The following CLEC11A variants were observed in gnomAD, a reference collection of about 807,000 sequenced individuals.
CLEC11A encodes C-type lectin domain family 11 member A.
Under a neutral mutation model 33.9 loss-of-function variants are expected in CLEC11A, and 35 were observed. That is an observed-to-expected ratio of 1.03 (90% CI 0.79 to 1.37). The LOEUF (loss-of-function observed/expected upper bound fraction) is 1.37. Ranked by LOEUF, CLEC11A falls within the 40% of genes most tolerant of loss-of-function variation. The pLI is 0.00. For missense variants in CLEC11A, 519 were observed against 455.5 expected, an observed-to-expected ratio of 1.14 and a Z score of -1.27; for synonymous variants, 220 against 202.2, an observed-to-expected ratio of 1.09 and a Z score of -0.75.
chr19:50,723,882 T>C lies in CLEC11A; in HGVS notation c.148-23T>C. On this transcript the variant is annotated intron_variant, in intron 1 of 3. Coordinates refer to ENST00000250340, the MANE Select transcript of CLEC11A (RefSeq NM_002975.3). The surrounding 1 kb of genome is among the most constrained non-coding windows in gnomAD (Gnocchi z 4.1). ...GGGCATCTTGGTGGCAGGCTGGGGC[T>C]CACCACCCCTCCCCTGCCCCAGCAT... 6.3e-7 allele frequency: 1 copy of C among 1,593,198 alleles called. No individual in the cohort carries two copies. The highest frequency in any genetic ancestry group is 8.5e-7 in the Non-Finnish European group (1 of 1,170,252).
chr19:50,723,453 A>C lies in CLEC11A; in HGVS notation c.-73A>C. On this transcript the variant is annotated 5_prime_UTR_variant, in exon 1 of 4. Transcript: ENST00000250340. The surrounding 1 kb of genome is among the most constrained non-coding windows in gnomAD (Gnocchi z 4.1). ...TGCACACAGGGCAGGGGCACTCGGC[A>C]GTTCCCAGAGGCCACCCCTCCCACC... The C allele has an allele frequency of 6.4e-7, 1 of 1,554,762 alleles. No individual in the cohort carries two copies. Among genetic ancestry groups the C allele is most frequent in the South Asian group, 1.1e-5 (1 of 88,702 alleles).
Position 50,725,151 on chromosome 19 carries a change from A to C in CLEC11A, c.656A>C (p.Gln219Pro), listed in dbSNP as rs939980763. 1.3e-6 allele frequency: 2 copies of C among 1,561,472 alleles called. No homozygotes were observed. The highest frequency in any genetic ancestry group is 1.7e-6 in the Non-Finnish European group (2 of 1,154,890). The change falls in exon 4 of 4, where the codon CAG becomes CCG. Residue 219 changes from glutamine to proline, a missense_variant. Transcript: ENST00000250340. Reference protein sequence around the residue: ...GSLAQPADRQQMEALTRYLRA... With the variant: ...GSLAQPADRQPMEALTRYLRA... ...CTGGCGCAGCCGGCAGACCGCCAGC[A>C]GATGGAGGCGCTCACTCGGTACCTG... is the stretch of plus-strand genomic sequence containing the variant.
At position 50,725,503 on chromosome 19, in the gene CLEC11A, A is replaced by G. The variant is rs749386035; in HGVS notation, c.*36A>G. On this transcript the variant is annotated 3_prime_UTR_variant, in exon 4 of 4. Transcript: ENST00000250340. Reference sequence around the variant, plus strand: ...ACCCCGCCTCCCTGCCCATCCCACCACCCGGCCTTTCCCTGCGCCGTGCCC... The same window carrying G: ...ACCCCGCCTCCCTGCCCATCCCACCGCCCGGCCTTTCCCTGCGCCGTGCCC... 3 of 1,521,760 alleles carry G rather than the reference A, an allele frequency of 2.0e-6. No homozygotes were observed. Among genetic ancestry groups the G allele is most frequent in the Non-Finnish European group, 1.8e-6 (2 of 1,131,144 alleles). The allele number at this position is 1,521,760 out of a possible 1,614,324, so 94.3% of individuals were successfully genotyped here. A position where few individuals can be genotyped will look rare whatever the true frequency, so the allele number is the denominator to read the frequency against.
Position 50,724,456 on chromosome 19 carries a change from C to A in CLEC11A, c.381C>A (p.Val127=). The change falls in exon 3 of 4, where the codon GTC becomes GTA. Residue 127 remains valine, a synonymous_variant. Coordinates refer to ENST00000250340, the MANE Select transcript of CLEC11A (RefSeq NM_002975.3). This position sits in a 1 kb window ranked among gnomAD's most constrained non-coding sequence, Gnocchi z 4.1. ...GLDAGLHQLH[V]RLHALDTRVV... is the part of the protein sequence containing the mutation. ...ACGCAGGCCTGCACCAGCTGCACGT[C>A]CGTCTGCACGCGTTGGACACCCGCG... 2 of 1,566,392 alleles carry A rather than the reference C, an allele frequency of 1.3e-6. No individual in the cohort carries two copies. Among genetic ancestry groups the A allele is most frequent in the Non-Finnish European group, 1.7e-6 (2 of 1,162,430 alleles).
chr19:50,725,555 T>C lies in CLEC11A; in HGVS notation c.*88T>C. 1 of 1,451,320 alleles carries C rather than the reference T, an allele frequency of 6.9e-7. No individual in the cohort carries two copies. The highest frequency in any genetic ancestry group is 9.1e-7 in the Non-Finnish European group (1 of 1,097,932). The allele number at this position is 1,451,320 out of a possible 1,614,324, so 89.9% of individuals were successfully genotyped here. On this transcript the variant is annotated 3_prime_UTR_variant, in exon 4 of 4. Transcript: ENST00000250340. Reference sequence around the variant, plus strand: ...CCCTCCTCCGGAATCTCCCTTCCCTTCCTGGCCACGAATGGCAGCGTCCTC... The same window carrying C: ...CCCTCCTCCGGAATCTCCCTTCCCTCCCTGGCCACGAATGGCAGCGTCCTC...
Position 50,725,388 on chromosome 19 carries a change from C to G in CLEC11A, c.893C>G (p.Ala298Gly). 4 of 1,611,776 alleles carry G rather than the reference C, an allele frequency of 2.5e-6. No homozygotes were observed. The highest frequency in any genetic ancestry group is 3.4e-6 in the Non-Finnish European group (4 of 1,179,346). Residue 298 changes from alanine to glycine, a missense_variant, in exon 4 of 4, where the codon GCG becomes GGG. Transcript: ENST00000250340. ...PNGGTLENCV[A>G]QASDDGSWWD... ...GGTGGCACGCTCGAGAACTGCGTGG[C>G]GCAGGCCTCTGACGACGGCTCCTGG... is the stretch of plus-strand genomic sequence containing the variant.
In CLEC11A at chr19:50,723,871, C is replaced by T; in HGVS notation, c.148-34C>T. On this transcript the variant is annotated intron_variant, in intron 1 of 3. Transcript: ENST00000250340. This position sits in a 1 kb window ranked among gnomAD's most constrained non-coding sequence, Gnocchi z 4.1. ...AGGGGTGAATGGGGCATCTTGGTGGCAGGCTGGGGCTCACCACCCCTCCCC... is the reference window on the plus strand; with the variant it reads ...AGGGGTGAATGGGGCATCTTGGTGGTAGGCTGGGGCTCACCACCCCTCCCC... The T allele has an allele frequency of 6.3e-7, 1 of 1,582,498 alleles. No individual in the cohort carries two copies. The highest frequency in any genetic ancestry group is 8.6e-7 in the Non-Finnish European group (1 of 1,165,772).
Position 50,725,541 on chromosome 19 carries a change from A to C in CLEC11A, c.*74A>C. Reference sequence around the variant, plus strand: ...CTGCGCCGTGCCCACCCTCCTCCGGAATCTCCCTTCCCTTCCTGGCCACGA... The same window carrying C: ...CTGCGCCGTGCCCACCCTCCTCCGGCATCTCCCTTCCCTTCCTGGCCACGA... On this transcript the variant is annotated 3_prime_UTR_variant, in exon 4 of 4. Coordinates refer to ENST00000250340, the MANE Select transcript of CLEC11A (RefSeq NM_002975.3). 6.8e-7 allele frequency: 1 copy of C among 1,462,720 alleles called. No individual in the cohort carries two copies. The highest frequency in any genetic ancestry group is 9.1e-7 in the Non-Finnish European group (1 of 1,102,358). 90.6% of individuals were successfully genotyped at this position (1,462,720 alleles called of 1,614,324 possible).
rs767266508 is a variant in CLEC11A, at chr19:50,725,646, T to C, written c.*179T>C. 451 of 1,175,682 alleles carry C rather than the reference T, an allele frequency of 3.8e-4. No individual in the cohort carries two copies. Among genetic ancestry groups the C allele is most frequent in the Admixed American group, 4.9e-4 (17 of 34,372 alleles). 72.8% of individuals were successfully genotyped at this position (1,175,682 alleles called of 1,614,324 possible). A position where few individuals can be genotyped will look rare whatever the true frequency, so the allele number is the denominator to read the frequency against. On this transcript the variant is annotated 3_prime_UTR_variant, in exon 4 of 4. Transcript: ENST00000250340. The stretch of plus-strand genomic sequence containing the variant: ...GTGCCGGCACTCCTCCTTGTTAGTG[T>C]CTTTCCTTGAAGGGGCGGGCACCAG...
chr19:50,723,705 G>A lies in CLEC11A; in HGVS notation c.147+33G>A, dbSNP rs1477581970. Reference sequence around the variant, plus strand: ...CTGGAGTGTCAGGGAGCTATGGGTGGTGAACTGTGGGTCTGGGAGGGGGTA... The same window carrying A: ...CTGGAGTGTCAGGGAGCTATGGGTGATGAACTGTGGGTCTGGGAGGGGGTA... On this transcript the variant is annotated intron_variant, in intron 1 of 3. Transcript: ENST00000250340. The surrounding 1 kb of genome is among the most constrained non-coding windows in gnomAD (Gnocchi z 4.1). 2 of 1,545,012 alleles carry A rather than the reference G, an allele frequency of 1.3e-6. No homozygotes were observed. Among genetic ancestry groups the A allele is most frequent in the Admixed American group, 4.0e-5 (2 of 50,286 alleles).
Position 50,724,648 on chromosome 19 carries a change from C to T in CLEC11A, c.526+47C>T. ...TGGAAAAAAATGAGACTATCTGGGC[C>T]AGGAATGGGACTGGTTGAGAAGGTG... On this transcript the variant is annotated intron_variant, in intron 3 of 3. Coordinates refer to ENST00000250340, the MANE Select transcript of CLEC11A (RefSeq NM_002975.3). This position sits in a 1 kb window ranked among gnomAD's most constrained non-coding sequence, Gnocchi z 4.1. 2.2e-6 allele frequency: 3 copies of T among 1,373,718 alleles called. No individual in the cohort carries two copies. The highest frequency in any genetic ancestry group is 2.8e-6 in the Non-Finnish European group (3 of 1,064,960). The allele number at this position is 1,373,718 out of a possible 1,614,324, so 85.1% of individuals were successfully genotyped here.
In CLEC11A at chr19:50,723,441, G is replaced by A; in HGVS notation, c.-85G>A. On this transcript the variant is annotated 5_prime_UTR_variant, in exon 1 of 4. Coordinates refer to ENST00000250340, the MANE Select transcript of CLEC11A (RefSeq NM_002975.3). The surrounding 1 kb of genome is among the most constrained non-coding windows in gnomAD (Gnocchi z 4.1). ...GGGCTAGTGACCTGCACACAGGGCAGGGGCACTCGGCAGTTCCCAGAGGCC... is the reference window on the plus strand; with the variant it reads ...GGGCTAGTGACCTGCACACAGGGCAAGGGCACTCGGCAGTTCCCAGAGGCC... The A allele has an allele frequency of 6.9e-7, 1 of 1,459,238 alleles. No individual in the cohort carries two copies. The highest frequency in any genetic ancestry group is 1.2e-5 in the South Asian group (1 of 85,816). The allele number at this position is 1,459,238 out of a possible 1,614,324, so 90.4% of individuals were successfully genotyped here.
In CLEC11A at chr19:50,725,314, CGCCCA is replaced by C; in HGVS notation, c.827_831del (p.Pro276ArgfsTer25). 1 of 1,611,924 alleles carries C rather than the reference CGCCCA, an allele frequency of 6.2e-7. No homozygotes were observed. Among genetic ancestry groups the C allele is most frequent in the African/African-American group, 1.3e-5 (1 of 75,030 alleles). ...ATCGCTCACCCCGCCCCGAGCTCGG[CGCCCA>C]GCCCAGCGCCTCGCCGCATCCGCTC... On this transcript the variant is annotated frameshift_variant, in exon 4 of 4. Coordinates refer to ENST00000250340, the MANE Select transcript of CLEC11A (RefSeq NM_002975.3). LOFTEE classifies it high-confidence loss of function.
At position 50,724,209 on chromosome 19, in the gene CLEC11A, C is replaced by A. The variant is rs1411960161; in HGVS notation, c.334+118C>A. On this transcript the variant is annotated intron_variant, in intron 2 of 3. Coordinates refer to ENST00000250340, the MANE Select transcript of CLEC11A (RefSeq NM_002975.3). This position sits in a 1 kb window ranked among gnomAD's most constrained non-coding sequence, Gnocchi z 4.1. The stretch of plus-strand genomic sequence containing the variant: ...CAGTTGTCCATTGCCCAGCCCAGAG[C>A]CCCCACACCCCTAGGAGCCCCAGGT... The A allele has an allele frequency of 5.3e-6, 8 of 1,498,420 alleles. No homozygotes were observed. In the Admixed American group the frequency reaches 1.3e-4, roughly 24 times the overall value. 92.8% of individuals were successfully genotyped at this position (1,498,420 alleles called of 1,614,324 possible).
In CLEC11A at chr19:50,725,109, C is replaced by T. The variant is rs569727695; in HGVS notation, c.614C>T (p.Thr205Met). 3.9e-6 allele frequency: 6 copies of T among 1,533,068 alleles called. No individual in the cohort carries two copies. Among genetic ancestry groups the T allele is most frequent in the Non-Finnish European group, 5.3e-6 (6 of 1,141,450 alleles). 95.0% of individuals were successfully genotyped at this position (1,533,068 alleles called of 1,614,324 possible). A position where few individuals can be genotyped will look rare whatever the true frequency, so the allele number is the denominator to read the frequency against. The change falls in exon 4 of 4, where the codon ACG (threonine) becomes ATG (methionine). Residue 205 changes from threonine to methionine, a missense_variant. Transcript: ENST00000250340. Reference sequence around the variant, plus strand: ...CAGGCGGCGGCGCAGGCGCGGTGCACGGCGCGGGGCGGGAGCCTGGCGCAG... The same window carrying T: ...CAGGCGGCGGCGCAGGCGCGGTGCATGGCGCGGGGCGGGAGCCTGGCGCAG... Reference protein sequence around the residue: ...EAQAAAQARCTARGGSLAQPA... With the variant: ...EAQAAAQARCMARGGSLAQPA...
chr19:50,723,550 G>C lies in CLEC11A; in HGVS notation c.25G>C (p.Ala9Pro). Reference protein sequence around the residue: MQAAWLLGALVVPQLLGFG... With the variant: MQAAWLLGPLVVPQLLGFG... ...AATGCAGGCAGCCTGGCTTTTGGGG[G>C]CTTTGGTGGTCCCCCAGCTCTTGGG... Residue 9 changes from alanine (A) to proline (P), a missense_variant, in exon 1 of 4, where the codon GCT becomes CCT. Coordinates refer to ENST00000250340, the MANE Select transcript of CLEC11A (RefSeq NM_002975.3). The surrounding 1 kb of genome is among the most constrained non-coding windows in gnomAD (Gnocchi z 4.1). 1 of 1,612,466 alleles carries C rather than the reference G, an allele frequency of 6.2e-7. No homozygotes were observed. The highest frequency in any genetic ancestry group is 8.5e-7 in the Non-Finnish European group (1 of 1,179,994).
Position 50,724,382 on chromosome 19 carries a change from C to A in CLEC11A, c.335-28C>A. On this transcript the variant is annotated intron_variant, in intron 2 of 3. Coordinates refer to ENST00000250340, the MANE Select transcript of CLEC11A (RefSeq NM_002975.3). The surrounding 1 kb of genome is among the most constrained non-coding windows in gnomAD (Gnocchi z 4.1). ...CCCCCGCTGCATCTCCAGGCTCCCC[C>A]TCCAGCATGATCCCTGTCTGTCCGC... is the stretch of plus-strand genomic sequence containing the variant. The A allele has an allele frequency of 2.7e-6, 4 of 1,483,450 alleles. No individual in the cohort carries two copies. The highest frequency in any genetic ancestry group is 2.5e-5 in the East Asian group (1 of 40,448). The allele number at this position is 1,483,450 out of a possible 1,614,324, so 91.9% of individuals were successfully genotyped here.
chr19:50,723,628 G>C lies in CLEC11A; in HGVS notation c.103G>C (p.Gly35Arg). 6.2e-7 allele frequency: 1 copy of C among 1,606,484 alleles called. No individual in the cohort carries two copies. The highest frequency in any genetic ancestry group is 8.5e-7 in the Non-Finnish European group (1 of 1,177,224). The change falls in exon 1 of 4, where the codon GGT becomes CGT. Residue 35 changes from glycine to arginine, a missense_variant. By Grantham distance (125) the Gly-to-Arg change is moderately radical. Coordinates refer to ENST00000250340, the MANE Select transcript of CLEC11A (RefSeq NM_002975.3). This position sits in a 1 kb window ranked among gnomAD's most constrained non-coding sequence, Gnocchi z 4.1. ...GAGGGAGTGGGAGGGAGGCTGGGGA[G>C]GTGCCCAGGAGGAGGAGCGGGAGAG... ...AEREWEGGWG[G>R]AQEEEREREA...
Position 50,723,936 on chromosome 19 carries a change from G to A in CLEC11A, c.179G>A (p.Gly60Glu). ...CAGGAAGCCCTAGGACTGCCTGCTGGGAGGGGGGATGAGAATCCTGCCGGA... is the reference window on the plus strand; with the variant it reads ...CAGGAAGCCCTAGGACTGCCTGCTGAGAGGGGGGATGAGAATCCTGCCGGA... ...HLQEALGLPA[G>E]RGDENPAGTV... The change falls in exon 2 of 4, where the codon GGG becomes GAG. Residue 60 changes from glycine (G) to glutamate (E), a missense_variant. Transcript: ENST00000250340. This position sits in a 1 kb window ranked among gnomAD's most constrained non-coding sequence, Gnocchi z 4.1. The A allele has an allele frequency of 6.2e-7, 1 of 1,613,452 alleles. No individual in the cohort carries two copies. Among genetic ancestry groups the A allele is most frequent in the Non-Finnish European group, 8.5e-7 (1 of 1,179,782 alleles).
Sources: gnomAD v4.1 joint callset for allele counts on GRCh38, gnomAD v4.1.1 for gene constraint, Gnocchi (gnomAD v3.1) non-coding constraint, MANE v1.5 for transcripts, NCBI Gene and HGNC (gene_info 2026-07-23, HGNC 2026-07-21) for gene names.